PTPRN2: variants seen among roughly 807,000 people sequenced by gnomAD.
PTPRN2 encodes protein tyrosine phosphatase receptor type N2.
PTPRN2 carries 74 observed loss-of-function variants against 118.8 expected under a neutral mutation model. That is an observed-to-expected ratio of 0.62 (90% CI 0.52 to 0.76). PTPRN2 has a LOEUF of 0.76. Among genes scored for constraint, PTPRN2 ranks in the 30% least tolerant of loss-of-function variants. PTPRN2 has a pLI of 0.00. For synonymous variants in PTPRN2, 641 were observed against 608.0 expected (o/e 1.05, Z -0.80); for missense variants, 1,481 against 1,394.4 (o/e 1.06, Z -0.99).
Position 157,874,175 on chromosome 7 carries a change from G to A in PTPRN2, c.1788+24498C>T, listed in dbSNP as rs1001062474. 6.6e-6 allele frequency among the ~76,000 whole-genome samples: 1 copy of A among 152,134 alleles called. No homozygotes were observed. Among genetic ancestry groups the A allele is most frequent in the Non-Finnish European group, 1.5e-5 (1 of 68,028 alleles). ...CTTGTCCTGCGGAAGGTGCTGAAGC[G>A]GCCCTCAGTCTGCCTCTGGCCTCCC... On this transcript the variant is annotated intron_variant, in intron 12 of 22. Transcript: ENST00000389418. This position sits in a 1 kb window ranked among gnomAD's most constrained non-coding sequence, Gnocchi z 5.8.
At chr7:158,523,403 T>C (rs1256026741) in intron 1 of PTPRN2, among the ~76,000 whole-genome samples, 1 of 134,114 alleles carries the variant, frequency 7.5e-6, no homozygotes, top group African/African-American at 2.7e-5. Context: ...CGGAGTCATC[T>C]GCCCTGGAGC....
intron 5 of PTPRN2, among the ~76,000 whole-genome samples, chr7:158,176,749 T>C (rs1824244847): frequency 6.6e-6 from 1 of 152,222 alleles, no homozygotes; most frequent in African/African-American, 2.4e-5. Context: ...GGGGCCAATT[T>C]TCCACCAGAG....
At chr7:158,061,568 A>G (rs1810344373) in intron 11 of PTPRN2, among the ~76,000 whole-genome samples, 1 of 152,202 alleles carries the variant, frequency 6.6e-6, no homozygotes, top group African/African-American at 2.4e-5. Context: ...GTGGTGGCAA[A>G]GTGGTGTCCA....
intron 12 of PTPRN2, among the ~76,000 whole-genome samples, chr7:157,875,848 C>T (rs1795730488): frequency 1.3e-5 from 2 of 150,276 alleles, no homozygotes; most frequent in Admixed American, 1.3e-4. Context: ...CCAGGCGTCC[C>T]CAGGGCAGGC....
At chr7:158,473,611 C>G (rs962341509) in intron 2 of PTPRN2, among the ~76,000 whole-genome samples, 1 of 152,164 alleles carries the variant, frequency 6.6e-6, no homozygotes, top group Non-Finnish European at 1.5e-5. Context: ...GCGGGTGCTT[C>G]GTAAACTGCA....
chr7:158,341,952 T>C (rs76720002), intron 2 of PTPRN2, among the ~76,000 whole-genome samples: 1 of 29,804 alleles, frequency 3.4e-5, no homozygotes, highest in East Asian at 9.4e-4. Flanking sequence ...ATAAGAGCTG[T>C]CGCCCGCAGA....
chr7:157,642,838 AAAAAAAG>A (rs1468269478), intron 14 of PTPRN2, among the ~76,000 whole-genome samples: 2 of 147,736 alleles, frequency 1.4e-5, no homozygotes, highest in South Asian at 2.2e-4. Flanking sequence ...AAAAAAAAAA[AAAAAAAG>A]CAGCTAAAAC....
chr7:158,277,591 C>A lies in PTPRN2; in HGVS notation c.277+39228G>T, dbSNP rs571867167. On this transcript the variant is annotated intron_variant, in intron 3 of 22. Transcript: ENST00000389418. ...GCTCCCGAGGCCTGCCAGAAGCACCCCTTGAAGGCACTGTCAGGGCCTTGC... is the reference window on the plus strand; with the variant it reads ...GCTCCCGAGGCCTGCCAGAAGCACCACTTGAAGGCACTGTCAGGGCCTTGC... Among the ~76,000 whole-genome samples the A allele has an allele frequency of 2.0e-5, 3 of 152,302 alleles. No individual in the cohort carries two copies. The South Asian group carries it at 6.2e-4, about 32-fold the overall frequency.
intron 11 of PTPRN2, among the ~76,000 whole-genome samples, chr7:158,048,123 A>G (rs1432459196): frequency 7.1e-6 from 1 of 140,892 alleles, no homozygotes; most frequent in Non-Finnish European, 1.5e-5. Context: ...ACATGAATAC[A>G]CATATGTATA....
chr7:157,667,453 T>C (rs1447889574), intron 13 of PTPRN2, among the ~76,000 whole-genome samples: 2 of 152,224 alleles, frequency 1.3e-5, no homozygotes, highest in Non-Finnish European at 2.9e-5. Context: ...TGCCCGCATC[T>C]ACATTTGGGC....
chr7:158,576,819 A>G (rs1352482170), intron 1 of PTPRN2, among the ~76,000 whole-genome samples: 1,069 of 104,992 alleles, frequency 0.01, 5 homozygotes, highest in Middle Eastern at 0.038. Flanking sequence ...TGATGCCACA[A>G]ACAACATGGG....
At chr7:157,871,847 A>C (rs967041751) in intron 12 of PTPRN2, among the ~76,000 whole-genome samples, 3 of 151,634 alleles carry the variant, frequency 2.0e-5, no homozygotes, top group Non-Finnish European at 4.4e-5. Context: ...ACACATGTGC[A>C]CTCAGCTCCA....
At chr7:157,761,797 A>G (rs1455333804) in intron 12 of PTPRN2, among the ~76,000 whole-genome samples, 1 of 150,902 alleles carries the variant, frequency 6.6e-6, no homozygotes, top group Non-Finnish European at 1.5e-5. Flanking sequence ...AGAAACCGCC[A>G]TCAGAGTGAA....
At chr7:158,084,795 T>C (rs1813137359) in intron 10 of PTPRN2, among the ~76,000 whole-genome samples, 1 of 133,294 alleles carries the variant, frequency 7.5e-6, no homozygotes, top group Non-Finnish European at 1.6e-5. Context: ...ACGATGCCCA[T>C]CCACACGGAT....
chr7:157,651,146 C>T (rs1450373110), intron 14 of PTPRN2, among the ~76,000 whole-genome samples: 1 of 152,218 alleles, frequency 6.6e-6, no homozygotes, highest in Non-Finnish European at 1.5e-5. Flanking sequence ...TGGCAGCACC[C>T]CCTCCCTCCT....
rs1011482394 is a variant in PTPRN2 at position 157,560,434 on chromosome 7, G to C, written c.2902+8468C>G. ...CACCAGGCGATCGACACCAGGGTCC[G>C]CCTGTGCCCTGCCTGGGTGGGGTCA... On this transcript the variant is annotated intron_variant, in intron 21 of 22. Coordinates refer to ENST00000389418, the MANE Select transcript of PTPRN2 (RefSeq NM_002847.5). The surrounding 1 kb of genome is among the most constrained non-coding windows in gnomAD (Gnocchi z 6.7). 6.6e-6 allele frequency among the ~76,000 whole-genome samples: 1 copy of C among 152,158 alleles called. No individual in the cohort carries two copies. Among genetic ancestry groups the C allele is most frequent in the South Asian group, 2.1e-4 (1 of 4,834 alleles).
intron 10 of PTPRN2, among the ~76,000 whole-genome samples, chr7:158,090,018 ACAAACCCTTCCTCCC>A (rs1813960176): frequency 2.3e-5 from 1 of 43,292 alleles, no homozygotes; most frequent in African/African-American, 4.4e-5. Context: ...GAGTCTTCAC[ACAAACCCTTCCTCCC>A]CTGACGAAAG....
At chr7:157,820,619 A>G (rs1806776023) in intron 12 of PTPRN2, among the ~76,000 whole-genome samples, 1 of 152,024 alleles carries the variant, frequency 6.6e-6, no homozygotes, top group African/African-American at 2.4e-5. Context: ...ACACATGCAC[A>G]CAGCAGACCC....
Position 157,990,032 on chromosome 7 carries a change from TAAATC to T in PTPRN2, c.1723+91261_1723+91265del, listed in dbSNP as rs1249735274. On this transcript the variant is annotated intron_variant, in intron 11 of 22. Coordinates refer to ENST00000389418, the MANE Select transcript of PTPRN2 (RefSeq NM_002847.5). This position sits in a 1 kb window ranked among gnomAD's most constrained non-coding sequence, Gnocchi z 4.3. ...ACAGTAAAAGTTGTTTTCTTGGAAATAAATCAAATTTGTATTTCTCAACAAAACCT... is the reference window on the plus strand; with the variant it reads ...ACAGTAAAAGTTGTTTTCTTGGAAATAAATTTGTATTTCTCAACAAAACCT... Among the ~76,000 whole-genome samples the T allele has an allele frequency of 6.6e-6, 1 of 152,110 alleles. No homozygotes were observed. The highest frequency in any genetic ancestry group is 1.9e-4 in the East Asian group (1 of 5,166).
Sources: allele counts gnomAD v4.1 joint callset (sites outside exome capture counted in the v4.1 genomes callset), GRCh38; gene constraint gnomAD v4.1.1; non-coding constraint Gnocchi (gnomAD v3.1); transcripts MANE v1.5; gene names NCBI Gene and HGNC (gene_info 2026-07-23, HGNC 2026-07-21).